ARNT2: variants seen among roughly 807,000 people sequenced by gnomAD.
The protein encoded by ARNT2 is aryl hydrocarbon receptor nuclear translocator 2.
Under a neutral mutation model 91.7 loss-of-function variants are expected in ARNT2, and 36 were observed. The observed-to-expected ratio is 0.39, with a 90% CI of 0.30 to 0.52. The LOEUF (loss-of-function observed/expected upper bound fraction) is 0.52. ARNT2 is among the 20% of genes least tolerant of loss of function. ARNT2 has a pLI of 0.72. For missense variants in ARNT2, 775 were observed against 939.3 expected (o/e 0.83, Z 2.29); for synonymous variants, 365 against 347.1 (o/e 1.05, Z -0.57).
chr15:80,541,755 TC>T (rs1897909830), intron 8 of ARNT2, among the ~76,000 whole-genome samples: 1 of 152,234 alleles, frequency 6.6e-6, no homozygotes, highest in African/African-American at 2.4e-5. Context: ...TAGAAAGACA[TC>T]CGATATCCAG....
intron 3 of ARNT2, among the ~76,000 whole-genome samples, chr15:80,464,309 G>A (rs750875422): frequency 1.3e-5 from 2 of 148,946 alleles, no homozygotes; most frequent in Non-Finnish European, 3.0e-5. Flanking sequence ...GATACATCCC[G>A]ATTGGGGGCT....
chr15:80,515,344 A>C (rs1203284180), intron 8 of ARNT2, among the ~76,000 whole-genome samples: 2 of 152,228 alleles, frequency 1.3e-5, no homozygotes. Flanking sequence ...AATGTACACC[A>C]AGTGATGAAT....
intron 17 of ARNT2, among the ~76,000 whole-genome samples, chr15:80,582,923 G>A (rs1898825401): frequency 6.6e-6 from 1 of 152,134 alleles, no homozygotes; most frequent in Admixed American, 6.5e-5. Context: ...CGGGTGTGGA[G>A]AGACCCCTTC....
chr15:80,550,313 T>G (rs949785939), intron 8 of ARNT2, among the ~76,000 whole-genome samples: 16 of 152,156 alleles, frequency 1.1e-4, no homozygotes, highest in Admixed American at 8.5e-4. Context: ...CATAGTGATA[T>G]TTAACGTGCT....
At chr15:80,586,092 T>C (rs1464540666) in intron 17 of ARNT2, among the ~76,000 whole-genome samples, 2 of 152,096 alleles carry the variant, frequency 1.3e-5, no homozygotes, top group Non-Finnish European at 2.9e-5. Context: ...TCTCAACTAC[T>C]GCCAGGCATC....
chr15:80,551,885 C>T (rs536836395), intron 9 of ARNT2, among the ~76,000 whole-genome samples: 1 of 152,342 alleles, frequency 6.6e-6, no homozygotes, highest in East Asian at 1.9e-4. Context: ...AGTTACTCTT[C>T]TTTCACTGTC....
intron 1 of ARNT2, among the ~76,000 whole-genome samples, chr15:80,409,984 A>G (rs1411365780): frequency 6.6e-6 from 1 of 152,178 alleles, no homozygotes; most frequent in African/African-American, 2.4e-5. Flanking sequence ...CTTTTGGGTT[A>G]GGGACTGAGA....
At chr15:80,558,324 A>T (rs1596012685) in intron 11 of ARNT2, among the ~76,000 whole-genome samples, 1 of 143,632 alleles carries the variant, frequency 7.0e-6, no homozygotes, top group South Asian at 2.2e-4. Context: ...AGACTTCATT[A>T]CGTCTGTGCT....
intron 6 of ARNT2, among the ~76,000 whole-genome samples, chr15:80,513,401 C>T (rs554854889): frequency 6.6e-6 from 1 of 152,322 alleles, no homozygotes; most frequent in African/African-American, 2.4e-5. Context: ...GTCTGGTTGT[C>T]CCTAGTGCTA....
intron 8 of ARNT2, among the ~76,000 whole-genome samples, chr15:80,527,193 G>T (rs1897652318): frequency 6.6e-6 from 1 of 152,214 alleles, no homozygotes; most frequent in South Asian, 2.1e-4. Flanking sequence ...CAGCCACTTT[G>T]CTAGGTCGTG....
intron 1 of ARNT2, among the ~76,000 whole-genome samples, chr15:80,406,552 T>A (rs1399866945): frequency 6.6e-6 from 1 of 152,208 alleles, no homozygotes; most frequent in Non-Finnish European, 1.5e-5. Flanking sequence ...TGTTTAAAAC[T>A]TTTTTGTCCA....
chr15:80,585,643 A>G (rs1456176773), intron 17 of ARNT2, among the ~76,000 whole-genome samples: 1 of 152,166 alleles, frequency 6.6e-6, no homozygotes, highest in East Asian at 1.9e-4. Flanking sequence ...CTGCCCACTG[A>G]CTGAGACACT....
chr15:80,515,183 C>T (rs1157578832), intron 8 of ARNT2, among the ~76,000 whole-genome samples: 2 of 152,162 alleles, frequency 1.3e-5, no homozygotes, highest in Non-Finnish European at 2.9e-5. Flanking sequence ...ATAGCATAGC[C>T]ACTTGGGAAA....
chr15:80,575,573 A>G (rs1024264228), intron 14 of ARNT2, among the ~76,000 whole-genome samples: 1 of 152,148 alleles, frequency 6.6e-6, no homozygotes, highest in Non-Finnish European at 1.5e-5. Flanking sequence ...AAAATTCTAA[A>G]CAGCCAGCTG....
At chr15:80,585,703 A>C (rs1238614761) in intron 17 of ARNT2, among the ~76,000 whole-genome samples, 1 of 152,212 alleles carries the variant, frequency 6.6e-6, no homozygotes, top group Non-Finnish European at 1.5e-5. Flanking sequence ...CCACCCCACC[A>C]GGTGGCCAAG....
chr15:80,546,485 T>A (rs1897993106), intron 8 of ARNT2, among the ~76,000 whole-genome samples: 1 of 152,188 alleles, frequency 6.6e-6, no homozygotes, highest in South Asian at 2.1e-4. Context: ...TGTATGTCAC[T>A]AGTGGTCTTT....
chr15:80,472,867 A>AT (rs1485702032), intron 4 of ARNT2, among the ~76,000 whole-genome samples: 1 of 152,168 alleles, frequency 6.6e-6, no homozygotes, highest in Non-Finnish European at 1.5e-5. Flanking sequence ...TTTTGTCTAT[A>AT]TTTTTTTAAT....
chr15:80,563,207 T>C lies in ARNT2; in HGVS notation c.1284T>C (p.Ile428=). 6.2e-7 allele frequency: 1 copy of C among 1,614,190 alleles called. No individual in the cohort carries two copies. The highest frequency in any genetic ancestry group is 8.5e-7 in the Non-Finnish European group (1 of 1,180,040). Residue 428 remains isoleucine, a synonymous_variant, in exon 12 of 19, where the codon ATT becomes ATC. Transcript: ENST00000303329. The part of the protein sequence containing the change: ...FTFQNPYSDE[I]EYIICTNTNV... ...TCCAGAATCCCTATTCTGATGAGAT[T>C]GAGTACATCATCTGCACCAACACCA...
At chr15:80,558,458 G>A (rs1898245093) in intron 11 of ARNT2, among the ~76,000 whole-genome samples, 1 of 150,760 alleles carries the variant, frequency 6.6e-6, no homozygotes, top group African/African-American at 2.4e-5. Flanking sequence ...TCATGCCTCA[G>A]CCTCCCGAGT....
Sources: allele counts gnomAD v4.1 joint callset (sites outside exome capture counted in the v4.1 genomes callset), GRCh38; gene constraint gnomAD v4.1.1; transcripts MANE v1.5; gene names NCBI Gene and HGNC (gene_info 2026-07-23, HGNC 2026-07-21).